Variants in CEP95 observed in about 807,000 individuals in gnomAD.
The protein encoded by CEP95 is centrosomal protein 95, also known as centrosomal protein of 95 kDa.
CEP95 carries 98 observed loss-of-function variants against 111.2 expected under a neutral mutation model. That is an observed-to-expected ratio of 0.88 (90% CI 0.75 to 1.04). The LOEUF is 1.04. CEP95 is among the 50% of genes least tolerant of loss of function. The probability of loss-of-function intolerance (pLI) is 0.00; values close to 1 mark genes in which losing one functional copy is unlikely to be tolerated. For missense variants in CEP95, 1,027 were observed against 977.2 expected (o/e 1.05, Z -0.68); for synonymous variants, 323 against 327.1 (o/e 0.99, Z 0.14).
intron 16 of CEP95, chr17:64,534,263 G>A: frequency 3.8e-6 from 1 of 260,228 alleles, no homozygotes; most frequent in Non-Finnish European, 7.4e-6. Flanking sequence ...AAGTCTGGGT[G>A]TGCCATTTTC....
Position 64,534,626 on chromosome 17 carries a change from A to C in CEP95, c.1959A>C (p.Gln653His), listed in dbSNP as rs570037230. 1.2e-6 allele frequency: 2 copies of C among 1,613,832 alleles called. No individual in the cohort carries two copies. The highest frequency in any genetic ancestry group is 2.2e-5 in the South Asian group (2 of 91,072). The change falls in exon 17 of 20, where the codon CAA (glutamine) becomes CAC (histidine). Residue 653 changes from glutamine (Q) to histidine (H), a missense_variant. Coordinates refer to ENST00000556440, the MANE Select transcript of CEP95 (RefSeq NM_138363.3). ...KDCIRRQRLT[Q>H]SKIKENRQQI... ...GCATTCGTAGGCAAAGGTTGACCCAATCAAAGATAAAAGAAAATCGACAGC... is the reference window on the plus strand; with the variant it reads ...GCATTCGTAGGCAAAGGTTGACCCACTCAAAGATAAAAGAAAATCGACAGC...
In CEP95 at chr17:64,522,840, C is replaced by G. The variant is rs1555678302; in HGVS notation, c.854C>G (p.Ser285Ter). 3 of 1,613,386 alleles carry G rather than the reference C, an allele frequency of 1.9e-6. No individual in the cohort carries two copies. The highest frequency in any genetic ancestry group is 2.5e-6 in the Non-Finnish European group (3 of 1,179,778). The change falls in exon 8 of 20, where the codon TCA (serine) becomes TGA (stop). Residue 285 changes from serine (S) to a stop codon, truncating the protein, a stop_gained. Transcript: ENST00000556440. LOFTEE classifies it high-confidence loss of function. ...PCPIGKEYLH[S>*]SHCSPAVNST... ...CCCATAGGAAAAGAATACTTGCATT[C>G]AAGTCACTGCTCCCCAGCCGTAAAT... is the stretch of plus-strand genomic sequence containing the variant.
At chr17:64,509,857 C>T (rs782101718) in intron 2 of CEP95, among the ~76,000 whole-genome samples, 2 of 151,720 alleles carry the variant, frequency 1.3e-5, no homozygotes, top group African/African-American at 2.4e-5. Flanking sequence ...ACTTTATCTT[C>T]CTTAACATGG....
At chr17:64,507,263 G>A in intron 1 of CEP95, 147 bp downstream of exon 1, 2 of 1,497,404 alleles carry the variant, frequency 1.3e-6, no homozygotes, top group Non-Finnish European at 1.8e-6. Flanking sequence ...CCCTGGATAG[G>A]GTCTCTCAGC....
chr17:64,522,094 G>A (rs1398976319), intron 7 of CEP95, among the ~76,000 whole-genome samples: 3 of 151,894 alleles, frequency 2.0e-5, no homozygotes, highest in Non-Finnish European at 2.9e-5. Context: ...CTCGTGATCC[G>A]CCTGCCTCAG....
intron 3 of CEP95, 32 bp downstream of exon 3, chr17:64,510,312 G>A: frequency 2.4e-6 from 3 of 1,252,686 alleles, no homozygotes; most frequent in South Asian, 1.3e-5. Flanking sequence ...ACATAATTAT[G>A]CATTTTAGTA....
intron 3 of CEP95, among the ~76,000 whole-genome samples, chr17:64,512,726 T>G (rs1284010308): frequency 6.6e-6 from 1 of 152,232 alleles, no homozygotes; most frequent in Non-Finnish European, 1.5e-5. Flanking sequence ...CTCTTCTGTC[T>G]TAAGTTTTTT....
chr17:64,529,141 C>A, intron 11 of CEP95, 147 bp from the exon 12 acceptor site: 1 of 642,438 alleles, frequency 1.6e-6, no homozygotes, highest in South Asian at 2.0e-5. Context: ...TTGGTGTTAC[C>A]ATACCAATTC....
At chr17:64,526,913 T>C (rs1967863132) in intron 10 of CEP95, 198 bp from the exon 11 acceptor site, 1 of 417,676 alleles carries the variant, frequency 2.4e-6, no homozygotes, top group Admixed American at 3.8e-5. Flanking sequence ...TGAGCCCAGC[T>C]AGCACCACTG....
At chr17:64,525,629 G>T in intron 8 of CEP95, 141 bp from the exon 9 acceptor site, 3 of 563,116 alleles carry the variant, frequency 5.3e-6, no homozygotes, top group Non-Finnish European at 9.3e-6. Flanking sequence ...TGTCAATAGG[G>T]TCTTTTGACA....
chr17:64,533,280 C>A (rs917730253), intron 16 of CEP95, 89 bp downstream of exon 16: 16 of 1,086,036 alleles, frequency 1.5e-5, no homozygotes, highest in Non-Finnish European at 1.7e-5. Context: ...GTTGCACAGA[C>A]CCTTAACCTC....
chr17:64,507,242 G>C lies in CEP95; in HGVS notation c.19+126G>C, dbSNP rs1466457531. On this transcript the variant is annotated intron_variant, in intron 1 of 19. Transcript: ENST00000556440. Reference sequence around the variant, plus strand: ...TCGTGACCTTCAGACGCCGCGTCGCGCTGGCGGGTTCCCTGGATAGGGTCT... The same window carrying C: ...TCGTGACCTTCAGACGCCGCGTCGCCCTGGCGGGTTCCCTGGATAGGGTCT... 14 of 1,520,294 alleles carry C rather than the reference G, an allele frequency of 9.2e-6. No homozygotes were observed. The East Asian group carries it at 3.5e-4, about 38-fold the overall frequency. The allele number at this position is 1,520,294 out of a possible 1,614,324, so 94.2% of individuals were successfully genotyped here.
Position 64,534,695 on chromosome 17 carries a change from G to A in CEP95, c.2028G>A (p.Gln676=). 4.3e-6 allele frequency: 7 copies of A among 1,613,204 alleles called. No individual in the cohort carries two copies. The highest frequency in any genetic ancestry group is 5.9e-6 in the Non-Finnish European group (7 of 1,179,506). ...ARKYYDDYRV[Q]LCAKMMRMRT... is the part of the protein sequence containing the mutation. ...AATATTATGATGATTATAGAGTTCA[G>A]TTGTGTGCAAAAATGATGAGAATGA... The change falls in exon 17 of 20, where the codon CAG becomes CAA. Residue 676 remains glutamine (Q), a synonymous_variant. Coordinates refer to ENST00000556440, the MANE Select transcript of CEP95 (RefSeq NM_138363.3).
Position 64,533,112 on chromosome 17 carries a change from T to A in CEP95, c.1843-5T>A, listed in dbSNP as rs782492781. On this transcript the variant is annotated splice_polypyrimidine_tract_variant and splice_region_variant and intron_variant, in intron 15 of 19. Transcript: ENST00000556440. Reference sequence around the variant, plus strand: ...AACCTACTTAACTTCATGTCCCCCTTCAAGATAGAAGAAGCCCTAAGAAGG... The same window carrying A: ...AACCTACTTAACTTCATGTCCCCCTACAAGATAGAAGAAGCCCTAAGAAGG... 3.7e-6 allele frequency: 6 copies of A among 1,607,066 alleles called. No individual in the cohort carries two copies. In the Admixed American group the frequency reaches 1.0e-4, roughly 28 times the overall value.
rs536577178 is a variant in CEP95, at chr17:64,536,684, G to A, written c.2153G>A (p.Arg718Gln). Residue 718 changes from arginine to glutamine, a missense_variant, in exon 18 of 20, where the codon CGA becomes CAA. Transcript: ENST00000556440. ...CTAAGAAACTATGCCAAAGAAAAGC[G>A]AGATGAACAAAGGAGACGCCACCAG... ...RDLRNYAKEK[R>Q]DEQRRRHQDE... is the part of the protein sequence containing the mutation. The A allele has an allele frequency of 3.8e-5, 62 of 1,613,418 alleles. No homozygotes were observed. Among genetic ancestry groups the A allele is most frequent in the Non-Finnish European group, 4.8e-5 (57 of 1,179,658 alleles).
intron 3 of CEP95, among the ~76,000 whole-genome samples, chr17:64,511,593 T>C (rs1320315439): frequency 1.3e-5 from 2 of 152,208 alleles, no homozygotes; most frequent in African/African-American, 4.8e-5. Flanking sequence ...AGATTTCATA[T>C]TGTTCAAACA....
Position 64,529,297 on chromosome 17 carries a change from T to C in CEP95, c.1316T>C (p.Met439Thr), listed in dbSNP as rs1464893006. 2.5e-6 allele frequency: 4 copies of C among 1,612,332 alleles called. No homozygotes were observed. Among genetic ancestry groups the C allele is most frequent in the South Asian group, 1.1e-5 (1 of 90,806 alleles). The change falls in exon 12 of 20, where the codon ATG (methionine) becomes ACG (threonine). Residue 439 changes from methionine (M) to threonine (T), a missense_variant. Transcript: ENST00000556440. ...CTTTTCTCTGTTGCAGGACTTTCCA[T>C]GCGTAGAAAGCCACCCTACAGATCC... The part of the protein sequence containing the change: ...GPKKSRPGLS[M>T]RRKPPYRSHS...
At position 64,537,091 on chromosome 17, in the gene CEP95, CAG is replaced by C. The variant is rs1376765739; in HGVS notation, c.2274_2275del (p.Lys759IlefsTer8). Reference sequence around the variant, plus strand: ...CACAGGAACATCAAGAACTTAAAGCCAGAGAGAAATCTCAGGCCCAGGTAATA... The same window carrying C: ...CACAGGAACATCAAGAACTTAAAGCCAGAGAAATCTCAGGCCCAGGTAATA... ...ISQEHQELKA[R>X]EKSQAQTLHK... On this transcript the variant is annotated frameshift_variant, in exon 19 of 20. Coordinates refer to ENST00000556440, the MANE Select transcript of CEP95 (RefSeq NM_138363.3). LOFTEE classifies it high-confidence loss of function. The C allele has an allele frequency of 3.7e-6, 6 of 1,612,958 alleles. No homozygotes were observed. Among genetic ancestry groups the C allele is most frequent in the Non-Finnish European group, 5.1e-6 (6 of 1,179,516 alleles).
At position 64,537,806 on chromosome 17, in the gene CEP95, G is replaced by A. The variant is rs1555681993; in HGVS notation, c.*27G>A. ...GCCAGACTTGATAATAGTAGGTGAA[G>A]GTTCTGGAGGCCTTTACCAGGACAG... On this transcript the variant is annotated 3_prime_UTR_variant, in exon 20 of 20. Transcript: ENST00000556440. 3 of 1,460,918 alleles carry A rather than the reference G, an allele frequency of 2.1e-6. No individual in the cohort carries two copies. Among genetic ancestry groups the A allele is most frequent in the African/African-American group, 1.4e-5 (1 of 71,394 alleles). 90.5% of individuals were successfully genotyped at this position (1,460,918 alleles called of 1,614,324 possible).
Sources: gnomAD v4.1 joint callset for allele counts (sites outside exome capture counted in the v4.1 genomes callset) on GRCh38, gnomAD v4.1.1 for gene constraint, MANE v1.5 for transcripts, NCBI Gene and HGNC (gene_info 2026-07-23, HGNC 2026-07-21) for gene names.